MIPOL1: variants seen among roughly 807,000 people sequenced by gnomAD.
MIPOL1 encodes the protein mirror-image polydactyly gene 1 protein.
In MIPOL1, 57 loss-of-function variants were observed where a neutral mutation model predicts 60.9. The observed-to-expected ratio is 0.94, with a 90% CI of 0.76 to 1.17. MIPOL1 has a LOEUF of 1.17. MIPOL1 is among the 50% of genes most tolerant of loss of function. The pLI, the probability that MIPOL1 is intolerant of heterozygous loss-of-function variation, is 0.00. For synonymous variants in MIPOL1, 179 were observed against 168.8 expected (o/e 1.06, Z -0.47); for missense variants, 551 against 511.6 (o/e 1.08, Z -0.74).
chr14:37,446,508 C>T (rs1274307267), intron 11 of MIPOL1, among the ~76,000 whole-genome samples: 1 of 152,130 alleles, frequency 6.6e-6, no homozygotes, highest in Non-Finnish European at 1.5e-5. Flanking sequence ...TTGTGGAAGT[C>T]AGTGTGGCGA....
intron 12 of MIPOL1, among the ~76,000 whole-genome samples, chr14:37,530,637 G>A (rs1472494453): frequency 1.3e-5 from 2 of 152,130 alleles, no homozygotes; most frequent in East Asian, 1.9e-4. Flanking sequence ...AGATAGGCCA[G>A]ATGTCAAGGC....
chr14:37,511,858 G>A (rs1259078095), intron 12 of MIPOL1, among the ~76,000 whole-genome samples: 1 of 152,110 alleles, frequency 6.6e-6, no homozygotes, highest in Admixed American at 6.6e-5. Context: ...TAAACTATAT[G>A]AAGAGTTATA....
At chr14:37,497,861 G>A (rs1291830706) in intron 11 of MIPOL1, among the ~76,000 whole-genome samples, 1 of 152,182 alleles carries the variant, frequency 6.6e-6, no homozygotes, top group Non-Finnish European at 1.5e-5. Context: ...AAGACTATTA[G>A]CAGCATCTAA....
rs543957535 is a variant in MIPOL1 at position 37,376,267 on chromosome 14, G to A, written c.936+6643G>A. 1.8e-4 allele frequency among the ~76,000 whole-genome samples: 28 copies of A among 152,204 alleles called. No homozygotes were observed. In the East Asian group the frequency reaches 3.7e-3, roughly 20 times the overall value. ...GAGTGGCTTTTGATAAATGTTTAATGTTATGTAGTCATTATAGTATCATGC... is the reference window on the plus strand; with the variant it reads ...GAGTGGCTTTTGATAAATGTTTAATATTATGTAGTCATTATAGTATCATGC... On this transcript the variant is annotated intron_variant, in intron 10 of 12. Coordinates refer to ENST00000684589, the MANE Select transcript of MIPOL1 (RefSeq NM_001388067.1).
At chr14:37,357,479 G>A (rs1169231164) in intron 9 of MIPOL1, among the ~76,000 whole-genome samples, 3 of 152,056 alleles carry the variant, frequency 2.0e-5, no homozygotes, top group African/African-American at 4.8e-5. Flanking sequence ...TCTAATTGTA[G>A]TTTTGATTTG....
At chr14:37,481,563 ACACACACACAC>A (rs2094867493) in intron 11 of MIPOL1, among the ~76,000 whole-genome samples, 2 of 51,290 alleles carry the variant, frequency 3.9e-5, no homozygotes, top group African/African-American at 1.2e-4. Context: ...CCCCCCCAAC[ACACACACACAC>A]ACACACACAC....
At chr14:37,204,641 C>A (rs10146093) in intron 1 of MIPOL1, among the ~76,000 whole-genome samples, 1 of 152,056 alleles carries the variant, frequency 6.6e-6, no homozygotes, top group East Asian at 1.9e-4. Flanking sequence ...TCCCAAGCCA[C>A]GTGGAACTGC....
At chr14:37,534,104 A>G (rs2153637594) in intron 12 of MIPOL1, among the ~76,000 whole-genome samples, 1 of 151,998 alleles carries the variant, frequency 6.6e-6, no homozygotes, top group East Asian at 1.9e-4. Context: ...AAGGAAGAAA[A>G]AGAAGAAGAA....
At chr14:37,345,849 A>T (rs189292980) in intron 9 of MIPOL1, among the ~76,000 whole-genome samples, 2 of 152,346 alleles carry the variant, frequency 1.3e-5, no homozygotes, top group Non-Finnish European at 2.9e-5. Context: ...TGAACTGCAG[A>T]ATTTTTACTT....
intron 12 of MIPOL1, among the ~76,000 whole-genome samples, chr14:37,511,199 A>G (rs1162478808): frequency 2.6e-5 from 4 of 152,228 alleles, no homozygotes; most frequent in African/African-American, 9.6e-5. Context: ...CATCACTTAT[A>G]GGGAAAAAGT....
At chr14:37,436,479 A>G (rs1356515766) in intron 11 of MIPOL1, among the ~76,000 whole-genome samples, 2 of 152,228 alleles carry the variant, frequency 1.3e-5, no homozygotes, top group East Asian at 3.8e-4. Flanking sequence ...ATATTTGGCA[A>G]ATGAAAATAA....
chr14:37,409,573 G>A (rs1263141150), intron 10 of MIPOL1, among the ~76,000 whole-genome samples: 4 of 152,108 alleles, frequency 2.6e-5, no homozygotes, highest in Non-Finnish European at 4.4e-5. Flanking sequence ...GAATCACGAG[G>A]TCAAGAGATC....
At chr14:37,419,701 T>A (rs1400764731) in intron 10 of MIPOL1, among the ~76,000 whole-genome samples, 1 of 151,956 alleles carries the variant, frequency 6.6e-6, no homozygotes, top group Non-Finnish European at 1.5e-5. Flanking sequence ...AAGAAAGGGA[T>A]GTGACTGATG....
At chr14:37,429,006 C>T (rs2094014089) in intron 11 of MIPOL1, among the ~76,000 whole-genome samples, 1 of 152,110 alleles carries the variant, frequency 6.6e-6, no homozygotes. Flanking sequence ...TATAAAAGTG[C>T]TATTAGTAAA....
chr14:37,524,899 T>C (rs2153633187), intron 12 of MIPOL1, among the ~76,000 whole-genome samples: 1 of 152,106 alleles, frequency 6.6e-6, no homozygotes, highest in African/African-American at 2.4e-5. Flanking sequence ...AAAGGAAGTA[T>C]AATCATTAAC....
intron 6 of MIPOL1, among the ~76,000 whole-genome samples, chr14:37,272,791 A>G (rs543382720): frequency 2.0e-5 from 3 of 151,724 alleles, no homozygotes; most frequent in South Asian, 2.1e-4. Flanking sequence ...GCACACATAC[A>G]TAAGTATTAT....
chr14:37,345,374 G>C (rs2090876408), intron 9 of MIPOL1, among the ~76,000 whole-genome samples: 1 of 152,024 alleles, frequency 6.6e-6, no homozygotes, highest in Non-Finnish European at 1.5e-5. Context: ...CAAAGTTCTG[G>C]GATTACAGGC....
At chr14:37,475,735 G>A (rs930283362) in intron 11 of MIPOL1, among the ~76,000 whole-genome samples, 4 of 152,146 alleles carry the variant, frequency 2.6e-5, no homozygotes, top group African/African-American at 7.2e-5. Context: ...TCAGTTGACA[G>A]TATTTGTGTG....
intron 1 of MIPOL1, among the ~76,000 whole-genome samples, chr14:37,242,705 C>G (rs1299685857): frequency 6.6e-6 from 1 of 152,104 alleles, no homozygotes; most frequent in Non-Finnish European, 1.5e-5. Context: ...ATGCCAGATA[C>G]TCTTCTAAGG....
Sources: allele counts gnomAD v4.1 joint callset (sites outside exome capture counted in the v4.1 genomes callset), GRCh38; gene constraint gnomAD v4.1.1; transcripts MANE v1.5; gene names NCBI Gene and HGNC (gene_info 2026-07-23, HGNC 2026-07-21).